SPMIP5: variants seen among roughly 807,000 people sequenced by gnomAD.
The protein encoded by SPMIP5 is sperm microtubule inner protein 5, also known as sperm-associated microtubule inner protein 5.
At chr10:116,663,156 TG>T in the SPMIP5 span, among the ~76,000 whole-genome samples, 1 of 135,462 alleles carries the variant, frequency 7.4e-6, no homozygotes, top group Non-Finnish European at 1.5e-5. Flanking sequence ...CACTCCAGCC[TG>T]GGTGACAGAG....
the SPMIP5 span, among the ~76,000 whole-genome samples, chr10:116,662,506 C>T: frequency 1.3e-5 from 2 of 152,182 alleles, no homozygotes; most frequent in African/African-American, 4.8e-5. Flanking sequence ...GACCTTCTGA[C>T]TTCTACCCAT....
At chr10:116,668,282 G>C in the SPMIP5 span, 1 of 1,614,020 alleles carries the variant, frequency 6.2e-7, no homozygotes, top group South Asian at 1.1e-5. Flanking sequence ...GTGATTGGCA[G>C]GTTTCTCATG....
chr10:116,663,862 G>A, the SPMIP5 span: 13 of 1,484,046 alleles, frequency 8.8e-6, no homozygotes, highest in Non-Finnish European at 1.2e-5. Flanking sequence ...GGCAGGTTTT[G>A]GAAGCCCCAC....
At chr10:116,665,736 T>C in the SPMIP5 span, 7 of 1,614,202 alleles carry the variant, frequency 4.3e-6, no homozygotes, top group South Asian at 1.1e-5. Context: ...CTGTTCTTTA[T>C]AGCGCTGTGT....
At chr10:116,664,011 G>A in the SPMIP5 span, 1 of 1,553,160 alleles carries the variant, frequency 6.4e-7, no homozygotes, top group Non-Finnish European at 8.7e-7. Flanking sequence ...GAGTTTTGGG[G>A]TCCTCTCTCA....
chr10:116,665,577 G>A, the SPMIP5 span: 11 of 1,593,256 alleles, frequency 6.9e-6, no homozygotes, highest in East Asian at 2.2e-4. Flanking sequence ...GTGACCAGGG[G>A]TGAGGGGAAA....
At chr10:116,666,106 G>A in the SPMIP5 span, among the ~76,000 whole-genome samples, 2 of 152,260 alleles carry the variant, frequency 1.3e-5, no homozygotes, top group Non-Finnish European at 2.9e-5. Flanking sequence ...AGCCCCTGAT[G>A]TCAGCCTGAC....
At chr10:116,665,449 G>T in the SPMIP5 span, 3 of 557,328 alleles carry the variant, frequency 5.4e-6, no homozygotes, top group Non-Finnish European at 9.4e-6. Flanking sequence ...AAAGAAATGT[G>T]TCTTTCTCAT....
chr10:116,664,476 G>T, the SPMIP5 span: 1 of 753,062 alleles, frequency 1.3e-6, no homozygotes, highest in Non-Finnish European at 2.0e-6. Context: ...TGGGCCTTAA[G>T]CCACTGCCAG....
chr10:116,662,846 T>C, the SPMIP5 span, among the ~76,000 whole-genome samples: 1 of 152,158 alleles, frequency 6.6e-6, no homozygotes, highest in East Asian at 1.9e-4. Flanking sequence ...CACAGTGAAG[T>C]AGGGCATGCT....
chr10:116,669,310 GC>G, the SPMIP5 span, among the ~76,000 whole-genome samples: 1 of 152,132 alleles, frequency 6.6e-6, no homozygotes, highest in Non-Finnish European at 1.5e-5. Flanking sequence ...AGACAGTTCA[GC>G]CCCCGCCAGG....
the SPMIP5 span, among the ~76,000 whole-genome samples, chr10:116,667,032 T>C: frequency 6.6e-6 from 1 of 152,144 alleles, no homozygotes; most frequent in Non-Finnish European, 1.5e-5. Context: ...TATCTACAAA[T>C]AGGGACTTCT....
the SPMIP5 span, chr10:116,665,411 A>C: frequency 1.8e-6 from 1 of 551,286 alleles, no homozygotes; most frequent in East Asian, 3.1e-5. Context: ...TCTCAAAAAA[A>C]AAAAAAAAAA....
At chr10:116,669,281 G>C in the SPMIP5 span, among the ~76,000 whole-genome samples, 1 of 152,144 alleles carries the variant, frequency 6.6e-6, no homozygotes, top group African/African-American at 2.4e-5. Context: ...GGCTTAGTCA[G>C]CAATGATGGG....
chr10:116,668,447 G>C, the SPMIP5 span: 1 of 799,194 alleles, frequency 1.3e-6, no homozygotes, highest in Non-Finnish European at 2.1e-6. Context: ...GGGGCTGAGA[G>C]GCAGCACTAC....
the SPMIP5 span, among the ~76,000 whole-genome samples, chr10:116,667,342 G>T: frequency 1.3e-5 from 2 of 152,226 alleles, no homozygotes; most frequent in African/African-American, 4.8e-5. Context: ...AACTGTGAGG[G>T]AATGCATTTC....
chr10:116,665,506 G>T, the SPMIP5 span: 2 of 1,015,628 alleles, frequency 2.0e-6, no homozygotes, highest in Non-Finnish European at 1.5e-6. Context: ...CTGGGATTTG[G>T]AACGGTGCGG....
the SPMIP5 span, chr10:116,665,555 G>C: frequency 1.3e-6 from 2 of 1,540,454 alleles, no homozygotes; most frequent in South Asian, 2.4e-5. Context: ...TGGCCTATGA[G>C]AATCTGCAGG....
At chr10:116,668,750 C>T in the SPMIP5 span, among the ~76,000 whole-genome samples, 2 of 151,954 alleles carry the variant, frequency 1.3e-5, no homozygotes, top group East Asian at 3.9e-4. Context: ...CGCACACCCC[C>T]AGACCTCCTT....
Sources: allele counts gnomAD v4.1 joint callset (sites outside exome capture counted in the v4.1 genomes callset), GRCh38; gene constraint gnomAD v4.1.1; transcripts MANE v1.5; gene names NCBI Gene and HGNC (gene_info 2026-07-23, HGNC 2026-07-21).